Variants in CAB39L observed in about 807,000 individuals in gnomAD.
The protein encoded by CAB39L is calcium-binding protein 39-like.
A neutral mutation model predicts 39.1 loss-of-function variants in CAB39L; 23 were observed. That is an observed-to-expected ratio of 0.59 (90% CI 0.42 to 0.83). The LOEUF (loss-of-function observed/expected upper bound fraction) is 0.83. Among genes scored for constraint, CAB39L ranks in the 40% least tolerant of loss-of-function variants. The pLI is 0.00. For missense variants in CAB39L, 366 were observed against 391.9 expected (o/e 0.93, Z 0.56); for synonymous variants, 126 against 137.2 (o/e 0.92, Z 0.57).
intron 3 of CAB39L, among the ~76,000 whole-genome samples, chr13:49,430,113 G>A (rs1957298462): frequency 6.6e-6 from 1 of 152,126 alleles, no homozygotes; most frequent in African/African-American, 2.4e-5. Context: ...CATGCTACCA[G>A]CTATAATACT....
chr13:49,433,149 T>C (rs1957353250), intron 3 of CAB39L, among the ~76,000 whole-genome samples, 169 bp downstream of exon 3: 1 of 152,216 alleles, frequency 6.6e-6, no homozygotes, highest in Non-Finnish European at 1.5e-5. Flanking sequence ...TCAGGCTCTC[T>C]AGTCTATCAT....
intron 5 of CAB39L, among the ~76,000 whole-genome samples, chr13:49,373,118 C>A (rs2138551723): frequency 6.6e-6 from 1 of 152,322 alleles, no homozygotes; most frequent in East Asian, 1.9e-4. Flanking sequence ...CATCTTTCTC[C>A]ATGAACATCT....
chr13:49,408,286 C>T (rs550244074), intron 3 of CAB39L, among the ~76,000 whole-genome samples: 1 of 152,242 alleles, frequency 6.6e-6, no homozygotes, highest in East Asian at 1.9e-4. Context: ...ACCTTTAAAA[C>T]ATATAGGAAC....
chr13:49,394,228 A>C (rs1357258278), intron 3 of CAB39L, among the ~76,000 whole-genome samples: 1 of 152,020 alleles, frequency 6.6e-6, no homozygotes, highest in African/African-American at 2.4e-5. Flanking sequence ...AAAATCATTA[A>C]GGAAACATAC....
At chr13:49,361,254 C>T (rs1374486375) in intron 5 of CAB39L, among the ~76,000 whole-genome samples, 1 of 151,918 alleles carries the variant, frequency 6.6e-6, no homozygotes, top group Non-Finnish European at 1.5e-5. Flanking sequence ...CCAAGTGGGG[C>T]AGATCAAGAG....
chr13:49,326,040 C>T (rs1954486731), intron 10 of CAB39L, among the ~76,000 whole-genome samples: 1 of 152,218 alleles, frequency 6.6e-6, no homozygotes, highest in African/African-American at 2.4e-5. Flanking sequence ...ATGCTAGGAT[C>T]TGAGTGACAG....
chr13:49,317,229 T>TA lies in CAB39L; in HGVS notation c.835-6237dup, dbSNP rs1393584340. Among the ~76,000 whole-genome samples, 3 of 152,088 alleles carry TA rather than the reference T, an allele frequency of 2.0e-5. No homozygotes were observed. The East Asian group carries it at 5.8e-4, about 29-fold the overall frequency. The stretch of plus-strand genomic sequence containing the variant: ...GATAAAATCCAACACCTTTTCATGA[T>TA]AAAAACACTCAACACGGAGGCTGGG... On this transcript the variant is annotated intron_variant, in intron 10 of 10. Transcript: ENST00000409308.
At chr13:49,369,916 CTGT>C (rs10577147) in intron 5 of CAB39L, among the ~76,000 whole-genome samples, 121,819 of 151,854 alleles carry the variant, frequency 0.8, 49,380 homozygotes, top group African/African-American at 0.92. Flanking sequence ...GGTGATGGAA[CTGT>C]TGTTCTTCAT....
intron 3 of CAB39L, among the ~76,000 whole-genome samples, chr13:49,417,521 T>C (rs2138701825): frequency 6.6e-6 from 1 of 152,226 alleles, no homozygotes; most frequent in South Asian, 2.1e-4. Flanking sequence ...TCCTGTAATG[T>C]AAATAAACAA....
chr13:49,328,722 C>T (rs1490951753), intron 10 of CAB39L, among the ~76,000 whole-genome samples: 1 of 152,098 alleles, frequency 6.6e-6, no homozygotes, highest in Non-Finnish European at 1.5e-5. Flanking sequence ...ACAATCCCAG[C>T]TACTCAGGAG....
chr13:49,356,048 C>T (rs1955475156), intron 6 of CAB39L, among the ~76,000 whole-genome samples: 1 of 151,966 alleles, frequency 6.6e-6, no homozygotes, highest in Admixed American at 6.6e-5. Context: ...ACCTTTTTGT[C>T]ACCTCTAGCA....
At chr13:49,328,171 T>C (rs1593916124) in intron 10 of CAB39L, among the ~76,000 whole-genome samples, 1 of 152,194 alleles carries the variant, frequency 6.6e-6, no homozygotes, top group East Asian at 1.9e-4. Context: ...GCTTCAAGAG[T>C]TTATTTTGCT....
intron 10 of CAB39L, among the ~76,000 whole-genome samples, chr13:49,316,239 T>C (rs1416379435): frequency 2.6e-5 from 4 of 152,112 alleles, no homozygotes; most frequent in South Asian, 4.1e-4. Context: ...ATAACCTAGA[T>C]GATGACATGG....
chr13:49,391,016 G>C (rs1195153852), intron 3 of CAB39L, among the ~76,000 whole-genome samples: 1 of 152,096 alleles, frequency 6.6e-6, no homozygotes. Flanking sequence ...GTAAACTAAT[G>C]GTTATTACAC....
chr13:49,434,704 T>TA (rs1027844675), intron 1 of CAB39L, among the ~76,000 whole-genome samples: 5 of 151,674 alleles, frequency 3.3e-5, no homozygotes, highest in African/African-American at 7.3e-5. Flanking sequence ...AAAATAAAAT[T>TA]AAAAAAAATA....
intron 4 of CAB39L, among the ~76,000 whole-genome samples, chr13:49,377,884 C>T (rs1481566868): frequency 1.2e-5 from 1 of 84,618 alleles, no homozygotes; most frequent in Non-Finnish European, 2.4e-5. Flanking sequence ...CTCCGCCCGG[C>T]CGCCATCCCA....
At position 49,404,368 on chromosome 13, in the gene CAB39L, C is replaced by T. The variant is rs1187053425; in HGVS notation, c.-31-21427G>A. The stretch of plus-strand genomic sequence containing the variant: ...GGCTGCAGTGACCAAAGACTTAGAT[C>T]ACAACACTCAATTCCCTTTGAATAT... On this transcript the variant is annotated intron_variant, in intron 3 of 10. Transcript: ENST00000409308. Among the ~76,000 whole-genome samples, 3 of 151,532 alleles carry T rather than the reference C, an allele frequency of 2.0e-5. No homozygotes were observed. The South Asian group carries it at 6.2e-4, about 31-fold the overall frequency.
At chr13:49,356,964 G>A (rs570685798) in intron 6 of CAB39L, among the ~76,000 whole-genome samples, 150 of 151,256 alleles carry the variant, frequency 9.9e-4, no homozygotes, top group African/African-American at 3.4e-3. Context: ...CAGGAGAATC[G>A]CTTGAACCTG....
At chr13:49,385,337 G>GA in intron 3 of CAB39L, among the ~76,000 whole-genome samples, 1 of 152,294 alleles carries the variant, frequency 6.6e-6, no homozygotes, top group East Asian at 1.9e-4. Context: ...GAAAGCTGGG[G>GA]ACTTGCTCTG....
Sources: gnomAD v4.1 joint callset for allele counts (sites outside exome capture counted in the v4.1 genomes callset) on GRCh38, gnomAD v4.1.1 for gene constraint, MANE v1.5 for transcripts, NCBI Gene and HGNC (gene_info 2026-07-23, HGNC 2026-07-21) for gene names.